WDR75: variants seen among roughly 807,000 people sequenced by gnomAD.
WDR75 encodes the protein WD repeat domain 75, also known as WD repeat-containing protein 75.
WDR75 carries 52 observed loss-of-function variants against 106.1 expected under a neutral mutation model. The ratio of observed to expected loss-of-function variants is 0.49; its 90% CI spans 0.39 to 0.62. WDR75 has a LOEUF of 0.62. Ranked by LOEUF, WDR75 falls within the 20% of genes least tolerant of loss-of-function variation. The pLI is 0.00. For synonymous variants in WDR75, 333 were observed against 335.5 expected (o/e 0.99, Z 0.08); for missense variants, 905 against 970.3 (o/e 0.93, Z 0.89).
At chr2:189,470,956 A>G in intron 18 of WDR75, 78 bp downstream of exon 18, 13 of 1,133,940 alleles carry the variant, frequency 1.1e-5, no homozygotes, top group Non-Finnish European at 1.6e-5. Context: ...CAACTATGAA[A>G]AAAATATTTC....
intron 1 of WDR75, among the ~76,000 whole-genome samples, chr2:189,445,079 TTGAG>T (rs1035632252): frequency 4.2e-4 from 64 of 152,290 alleles, no homozygotes; most frequent in African/African-American, 1.5e-3. Context: ...ATTATCCCTA[TTGAG>T]TGAGTGCTTG....
In WDR75 at chr2:189,449,827, T is replaced by G. The variant is rs74641275; in HGVS notation, c.217-1076T>G. ...TAGATAATATGGTTTTACTCCAACA[T>G]TTTTACATTCCTCTTCTCTGAGTCC... On this transcript the variant is annotated intron_variant, in intron 2 of 20. Transcript: ENST00000314761. 6.1e-6 allele frequency: 6 copies of G among 984,830 alleles called. No homozygotes were observed. The East Asian group carries it at 5.7e-4, about 93-fold the overall frequency. 61.0% of individuals were successfully genotyped at this position (984,830 alleles called of 1,614,324 possible). A position where few individuals can be genotyped will look rare whatever the true frequency, so the allele number is the denominator to read the frequency against.
rs1574194743 is a variant in WDR75 at position 189,457,316 on chromosome 2, A to G, written c.504A>G (p.Val168=). The change falls in exon 6 of 21, where the codon GTA becomes GTG. Residue 168 remains valine (V), a synonymous_variant. Coordinates refer to ENST00000314761, the MANE Select transcript of WDR75 (RefSeq NM_032168.3). ...PKCIAFGNEG[V]YVAAVREFYL... The stretch of plus-strand genomic sequence containing the variant: ...TCTTCTTTTTGAAATACTAGGGAGT[A>G]TATGTTGCTGCAGTACGGGAATTTT... 2 of 1,595,112 alleles carry G rather than the reference A, an allele frequency of 1.3e-6. No individual in the cohort carries two copies. Among genetic ancestry groups the G allele is most frequent in the Non-Finnish European group, 8.6e-7 (1 of 1,164,596 alleles).
At chr2:189,466,302 C>G (rs1686998001) in intron 12 of WDR75, 123 bp from the exon 13 acceptor site, 3 of 1,062,244 alleles carry the variant, frequency 2.8e-6, no homozygotes, top group Non-Finnish European at 4.2e-6. Flanking sequence ...GTTTGTCATT[C>G]TACGTGATTA....
chr2:189,464,172 G>C, intron 11 of WDR75: 1 of 542,802 alleles, frequency 1.8e-6, no homozygotes, highest in East Asian at 3.1e-5. Flanking sequence ...TGGCACTCCT[G>C]TACGTGCTGT....
In WDR75 at chr2:189,475,341, A is replaced by G; in HGVS notation, c.2417A>G (p.His806Arg). The stretch of plus-strand genomic sequence containing the variant: ...ACAGGTTTAGGAGAAGACATTATAC[A>G]TCAGTTGTCAAAATCTGAAGAAAAA... The part of the protein sequence containing the change: ...SNTGLGEDII[H>R]QLSKSEEKEL... The change falls in exon 21 of 21, where the codon CAT becomes CGT. Residue 806 changes from histidine to arginine, a missense_variant. Transcript: ENST00000314761. The G allele has an allele frequency of 1.1e-5, 18 of 1,612,546 alleles. No homozygotes were observed. The highest frequency in any genetic ancestry group is 1.5e-5 in the Non-Finnish European group (18 of 1,179,194).
chr2:189,458,606 T>C (rs1458995187), intron 6 of WDR75, 147 bp from the exon 7 acceptor site: 5 of 595,406 alleles, frequency 8.4e-6, no homozygotes, highest in Non-Finnish European at 1.3e-5. Flanking sequence ...AAATTTTCTT[T>C]TTAAAAAAAA....
chr2:189,469,145 T>C (rs1002276604), intron 15 of WDR75, among the ~76,000 whole-genome samples, 199 bp from the exon 16 acceptor site: 1 of 152,184 alleles, frequency 6.6e-6, no homozygotes, highest in African/African-American at 2.4e-5. Flanking sequence ...TTTCATAGTT[T>C]GTACAAGGAG....
intron 5 of WDR75, 141 bp from the exon 6 acceptor site, chr2:189,457,170 G>A (rs1686754542): frequency 1.7e-6 from 1 of 582,794 alleles, no homozygotes; most frequent in Non-Finnish European, 3.1e-6. Context: ...GAACTCGGGA[G>A]GCAGAGTTTG....
intron 8 of WDR75, among the ~76,000 whole-genome samples, chr2:189,460,722 C>T (rs1686862396): frequency 6.6e-6 from 1 of 152,142 alleles, no homozygotes; most frequent in South Asian, 2.1e-4. Flanking sequence ...CCAGGCTGGT[C>T]TCAAACTCCT....
At chr2:189,450,495 T>C in intron 2 of WDR75, 1 of 884,276 alleles carries the variant, frequency 1.1e-6, no homozygotes, top group Non-Finnish European at 1.4e-6. Flanking sequence ...CACGCCTGGC[T>C]AATTTTTGTA....
In WDR75 at chr2:189,441,501, G is replaced by C. The variant is rs536271576; in HGVS notation, c.9G>C (p.Glu3Asp). 2 of 1,563,590 alleles carry C rather than the reference G, an allele frequency of 1.3e-6. No homozygotes were observed. Among genetic ancestry groups the C allele is most frequent in the African/African-American group, 2.7e-5 (2 of 73,896 alleles). ...TCCGCTACTGCGCAAAGATGGTGGAGGAGGAGAACATCCGCGTGGTTCGTT... is the reference window on the plus strand; with the variant it reads ...TCCGCTACTGCGCAAAGATGGTGGACGAGGAGAACATCCGCGTGGTTCGTT... MV[E>D]EENIRVVRCG... The change falls in exon 1 of 21, where the codon GAG becomes GAC. Residue 3 changes from glutamate (E) to aspartate (D), a missense_variant. By Grantham distance (45) the Glu-to-Asp change is conservative (BLOSUM62 2). Coordinates refer to ENST00000314761, the MANE Select transcript of WDR75 (RefSeq NM_032168.3).
intron 16 of WDR75, 138 bp from the exon 17 acceptor site, chr2:189,469,938 A>G: frequency 1.4e-6 from 1 of 733,462 alleles, no homozygotes; most frequent in Non-Finnish European, 2.3e-6. Context: ...ATACCTCTTG[A>G]ATCAAAGCCT....
chr2:189,474,899 ATTTCTT>A (rs1687182905), intron 20 of WDR75, 91 bp downstream of exon 20: 1 of 986,106 alleles, frequency 1.0e-6, no homozygotes. Flanking sequence ...CTTCCACTGT[ATTTCTT>A]TTTATTTCAT....
chr2:189,468,614 G>C (rs1297216068), intron 15 of WDR75, 45 bp downstream of exon 15: 1 of 1,589,842 alleles, frequency 6.3e-7, no homozygotes, highest in Non-Finnish European at 8.6e-7. Flanking sequence ...AGCGCATAAG[G>C]AGTTGACATT....
chr2:189,441,487 G>C lies in WDR75; in HGVS notation c.-6G>C, dbSNP rs78067965. On this transcript the variant is annotated 5_prime_UTR_variant, in exon 1 of 21. Transcript: ENST00000314761. ...CAGAGATTGGCCATTCCGCTACTGC[G>C]CAAAGATGGTGGAGGAGGAGAACAT... The C allele has an allele frequency of 1.1e-5, 17 of 1,558,954 alleles. No individual in the cohort carries two copies. The highest frequency in any genetic ancestry group is 1.5e-5 in the Non-Finnish European group (17 of 1,150,414).
intron 1 of WDR75, among the ~76,000 whole-genome samples, chr2:189,447,185 G>T (rs1686518407): frequency 6.6e-6 from 1 of 152,188 alleles, no homozygotes; most frequent in Admixed American, 6.5e-5. Flanking sequence ...GAATATAATA[G>T]ACACAGAGCA....
intron 8 of WDR75, among the ~76,000 whole-genome samples, 200 bp downstream of exon 8, chr2:189,459,624 C>T (rs1686818550): frequency 1.3e-5 from 2 of 152,292 alleles, no homozygotes; most frequent in Middle Eastern, 6.8e-3. Flanking sequence ...CTAAAGTGTA[C>T]ATTTGTGATA....
At chr2:189,459,734 C>T (rs1686821401) in intron 8 of WDR75, among the ~76,000 whole-genome samples, 2 of 152,194 alleles carry the variant, frequency 1.3e-5, no homozygotes, top group African/African-American at 4.8e-5. Context: ...ATAACTGTAG[C>T]TTATCAGGTG....
Sources: allele counts gnomAD v4.1 joint callset (sites outside exome capture counted in the v4.1 genomes callset), GRCh38; gene constraint gnomAD v4.1.1; transcripts MANE v1.5; gene names NCBI Gene and HGNC (gene_info 2026-07-23, HGNC 2026-07-21).